FAM222A: variants seen among roughly 807,000 people sequenced by gnomAD.
FAM222A encodes family with sequence similarity 222 member A.
A neutral mutation model predicts 25.8 loss-of-function variants in FAM222A; 7 were observed. That is an observed-to-expected ratio of 0.27 (90% CI 0.15 to 0.51). The LOEUF (loss-of-function observed/expected upper bound fraction) is 0.51, where lower values mean the gene tolerates loss of function less well. Among genes scored for constraint, FAM222A ranks in the 20% least tolerant of loss-of-function variants. The pLI is 0.97. For synonymous variants in FAM222A, 294 were observed against 298.8 expected (o/e 0.98, Z 0.17); for missense variants, 573 against 640.5 (o/e 0.89, Z 1.14).
chr12:109,730,216 C>T (rs552262120), intron 1 of FAM222A, among the ~76,000 whole-genome samples: 10 of 152,330 alleles, frequency 6.6e-5, no homozygotes, highest in South Asian at 4.1e-4. Context: ...ATGATTATTA[C>T]GGAGCCAGGT....
chr12:109,718,549 C>T (rs1028690724), intron 1 of FAM222A, among the ~76,000 whole-genome samples: 7 of 152,338 alleles, frequency 4.6e-5, no homozygotes, highest in African/African-American at 1.7e-4. Flanking sequence ...TTTATTACCT[C>T]CCGCGGGCCG....
At chr12:109,748,330 CTTT>C (rs1888461397) in intron 2 of FAM222A, among the ~76,000 whole-genome samples, 1 of 40,446 alleles carries the variant, frequency 2.5e-5, no homozygotes, top group African/African-American at 8.5e-5. Flanking sequence ...CTTTGGTTTT[CTTT>C]CTTTTTTTTT....
chr12:109,718,343 G>C (rs1210359625), intron 1 of FAM222A, among the ~76,000 whole-genome samples: 3 of 110,358 alleles, frequency 2.7e-5, no homozygotes, highest in African/African-American at 1.1e-4. Context: ...GCTCTTTTCT[G>C]AGCTTCTGCG....
At chr12:109,719,811 G>A (rs1887715397) in intron 1 of FAM222A, among the ~76,000 whole-genome samples, 1 of 152,092 alleles carries the variant, frequency 6.6e-6, no homozygotes, top group African/African-American at 2.4e-5. Context: ...AGGGTGCTGT[G>A]AGGCCCTGAG....
chr12:109,720,339 G>A (rs539195703), intron 1 of FAM222A, among the ~76,000 whole-genome samples: 8 of 152,346 alleles, frequency 5.3e-5, no homozygotes, highest in Non-Finnish European at 8.8e-5. Flanking sequence ...GGGGAGGGGG[G>A]CCTCCCTTGG....
At chr12:109,730,279 C>A (rs769306887) in intron 1 of FAM222A, among the ~76,000 whole-genome samples, 6 of 152,152 alleles carry the variant, frequency 3.9e-5, no homozygotes, top group Non-Finnish European at 2.9e-5. Flanking sequence ...TGGCTTTGGG[C>A]ATGTGGCTTT....
At chr12:109,755,175 T>C (rs1888684082) in intron 2 of FAM222A, among the ~76,000 whole-genome samples, 1 of 152,330 alleles carries the variant, frequency 6.6e-6, no homozygotes, top group South Asian at 2.1e-4. Context: ...CACTTGTATT[T>C]TTGGTGTTTT....
intron 2 of FAM222A, among the ~76,000 whole-genome samples, chr12:109,760,136 G>A (rs981969745): frequency 2.4e-4 from 36 of 152,056 alleles, no homozygotes; most frequent in African/African-American, 8.2e-4. Context: ...AGTGCATGGT[G>A]GAACGCTGGG....
chr12:109,726,313 G>C (rs745943143), intron 1 of FAM222A, among the ~76,000 whole-genome samples: 2 of 152,108 alleles, frequency 1.3e-5, no homozygotes, highest in African/African-American at 4.8e-5. Flanking sequence ...CCAGCGGTCA[G>C]GATTTCAAGC....
At chr12:109,721,223 C>T (rs1461256348) in intron 1 of FAM222A, among the ~76,000 whole-genome samples, 2 of 152,250 alleles carry the variant, frequency 1.3e-5, no homozygotes, top group Non-Finnish European at 2.9e-5. Flanking sequence ...TCATTATCCA[C>T]ACAAGCTTTT....
At chr12:109,720,547 CTG>C (rs1386328132) in intron 1 of FAM222A, among the ~76,000 whole-genome samples, 1 of 152,256 alleles carries the variant, frequency 6.6e-6, no homozygotes, top group African/African-American at 2.4e-5. Flanking sequence ...GTCTCTTCAT[CTG>C]TGATGGGCCA....
Position 109,744,212 on chromosome 12 carries a change from C to T in FAM222A, c.66C>T (p.Ser22=), listed in dbSNP as rs1158863875. The T allele has an allele frequency of 6.2e-7, 1 of 1,613,150 alleles. No homozygotes were observed. The highest frequency in any genetic ancestry group is 8.5e-7 in the Non-Finnish European group (1 of 1,179,974). The part of the protein sequence containing the change: ...PGQHLACPSK[S]LELRKCEAVA... ...AACACCTGGCCTGCCCGAGCAAGAG[C>T]CTGGAGCTGCGCAAGTGTGAGTAGG... is the stretch of plus-strand genomic sequence containing the variant. The change falls in exon 2 of 3, where the codon AGC becomes AGT. Residue 22 remains serine (S), a synonymous_variant. Coordinates refer to ENST00000538780, the MANE Select transcript of FAM222A (RefSeq NM_032829.3).
intron 1 of FAM222A, chr12:109,734,957 T>G (rs1163357372): frequency 6.6e-6 from 1 of 152,386 alleles, no homozygotes; most frequent in East Asian, 1.9e-4. Context: ...TGAGAGAGCT[T>G]ATGAACTCTG....
chr12:109,731,709 T>C (rs993554361), intron 1 of FAM222A, among the ~76,000 whole-genome samples: 11 of 152,148 alleles, frequency 7.2e-5, no homozygotes, highest in Non-Finnish European at 1.2e-4. Context: ...GAGGAGGCTC[T>C]AGCCCTGCCC....
intron 1 of FAM222A, among the ~76,000 whole-genome samples, chr12:109,729,417 C>A (rs1381623244): frequency 1.3e-5 from 2 of 152,196 alleles, no homozygotes; most frequent in African/African-American, 2.4e-5. Context: ...CCCCCGGAAC[C>A]CAGTGGCATC....
chr12:109,749,037 T>G (rs534821482), intron 2 of FAM222A, among the ~76,000 whole-genome samples: 1 of 152,298 alleles, frequency 6.6e-6, no homozygotes, highest in East Asian at 1.9e-4. Flanking sequence ...TATTTTAAAT[T>G]TTTAACCTAA....
chr12:109,768,537 T>C lies in FAM222A; in HGVS notation c.608T>C (p.Leu203Pro). The C allele has an allele frequency of 1.2e-6, 2 of 1,604,594 alleles. No individual in the cohort carries two copies. The highest frequency in any genetic ancestry group is 2.2e-5 in the South Asian group (2 of 90,826). ...AACCTGCCCTCCATCCACAGCCTCC[T>C]GTACCAGCTCAACCAGCAGTGCCAG... The part of the protein sequence containing the change: ...PSNLPSIHSL[L>P]YQLNQQCQAP... Residue 203 changes from leucine (L) to proline (P), a missense_variant, in exon 3 of 3, where the codon CTG (leucine) becomes CCG (proline). Leu to Pro is a moderately conservative substitution (Grantham distance 98). This residue lies in a region of FAM222A where 412 missense variants were observed against 407.0 expected (regional missense o/e 1.01). Transcript: ENST00000538780.
chr12:109,729,646 G>A (rs915808249), intron 1 of FAM222A, among the ~76,000 whole-genome samples: 7 of 152,234 alleles, frequency 4.6e-5, no homozygotes, highest in African/African-American at 1.4e-4. Flanking sequence ...ACAGACGCGC[G>A]CACGCATGCA....
At chr12:109,730,278 G>A (rs912322733) in intron 1 of FAM222A, among the ~76,000 whole-genome samples, 1 of 152,150 alleles carries the variant, frequency 6.6e-6, no homozygotes, top group Non-Finnish European at 1.5e-5. Context: ...ATGGCTTTGG[G>A]CATGTGGCTT....
Sources: allele counts gnomAD v4.1 joint callset (sites outside exome capture counted in the v4.1 genomes callset), GRCh38; gene constraint gnomAD v4.1.1; regional missense constraint gnomAD v4.1.1; transcripts MANE v1.5; gene names NCBI Gene and HGNC (gene_info 2026-07-23, HGNC 2026-07-21).